Variants in ZNF423 observed in about 807,000 individuals in gnomAD.
The protein encoded by ZNF423 is zinc finger protein 423.
In ZNF423, 12 loss-of-function variants were observed where a neutral mutation model predicts 95.8. That is an observed-to-expected ratio of 0.13 (90% CI 0.08 to 0.20). The LOEUF (loss-of-function observed/expected upper bound fraction) is 0.20. ZNF423 is among the 10% of genes least tolerant of loss of function. The pLI, the probability that ZNF423 is intolerant of heterozygous loss-of-function variation, is 1.00. For synonymous variants in ZNF423, 749 were observed against 711.9 expected (o/e 1.05, Z -0.83); for missense variants, 1,316 against 1,737.1 (o/e 0.76, Z 4.31).
Position 49,492,089 on chromosome 16 carries a change from G to C in ZNF423, c.3850-785C>G, listed in dbSNP as rs1378094358. Among the ~76,000 whole-genome samples, 5 of 152,226 alleles carry C rather than the reference G, an allele frequency of 3.3e-5. No homozygotes were observed. Among genetic ancestry groups the C allele is most frequent in the Non-Finnish European group, 7.3e-5 (5 of 68,040 alleles). On this transcript the variant is annotated intron_variant, in intron 7 of 7. Transcript: ENST00000563137. The surrounding 1 kb of genome is among the most constrained non-coding windows in gnomAD (Gnocchi z 4.2). ...TTTCCTCCCCCTGCCAGCCAGAGGG[G>C]GCCAGCAGGGTTGATCTGTTTCACA...
intron 5 of ZNF423, among the ~76,000 whole-genome samples, chr16:49,625,331 T>C (rs2004232): frequency 0.56 from 84,447 of 152,132 alleles, 26,473 homozygotes; most frequent in African/African-American, 0.87. Flanking sequence ...CCAGCCTGGG[T>C]GACAGAGTGA....
At chr16:49,686,516 C>T (rs1212869175) in intron 3 of ZNF423, among the ~76,000 whole-genome samples, 4 of 152,152 alleles carry the variant, frequency 2.6e-5, no homozygotes, top group Non-Finnish European at 2.9e-5. Flanking sequence ...TCGGAGTACA[C>T]AGGCCTGCGT....
chr16:49,547,991 T>C (rs1168164682), intron 5 of ZNF423, among the ~76,000 whole-genome samples: 1 of 152,230 alleles, frequency 6.6e-6, no homozygotes, highest in Non-Finnish European at 1.5e-5. Flanking sequence ...AATGAATCGA[T>C]TTGAATTTTT....
intron 7 of ZNF423, among the ~76,000 whole-genome samples, chr16:49,522,610 T>C (rs1313339169): frequency 2.0e-5 from 3 of 152,172 alleles, no homozygotes; most frequent in Non-Finnish European, 4.4e-5. Context: ...CATTTCGGCA[T>C]GTCCGTCTAT....
chr16:49,646,477 C>T (rs1973171213), intron 3 of ZNF423, among the ~76,000 whole-genome samples: 1 of 152,132 alleles, frequency 6.6e-6, no homozygotes, highest in Admixed American at 6.5e-5. Context: ...CATAGCTCCT[C>T]CCTCATCTTA....
Position 49,489,312 on chromosome 16 carries a change from C to T in ZNF423, c.*1963G>A, listed in dbSNP as rs540663857. On this transcript the variant is annotated 3_prime_UTR_variant, in exon 8 of 8. Coordinates refer to ENST00000563137, the MANE Select transcript of ZNF423 (RefSeq NM_001379286.1). The stretch of plus-strand genomic sequence containing the variant: ...CCTGGCTGTGGATGTGTGGCAGCCT[C>T]ACTCAGACATAGCCCCAGCCCCAGG... 3 of 152,546 alleles carry T rather than the reference C, an allele frequency of 2.0e-5. No homozygotes were observed. The allele number at this position is 152,546 out of a possible 1,614,324, so 9.4% of individuals were successfully genotyped here.
intron 3 of ZNF423, among the ~76,000 whole-genome samples, chr16:49,646,247 C>T (rs1279817590): frequency 1.3e-5 from 2 of 152,218 alleles, no homozygotes; most frequent in Non-Finnish European, 1.5e-5. Flanking sequence ...GTGGTTCCCA[C>T]AGAGGTAGCC....
chr16:49,668,915 C>T (rs2030669824), intron 3 of ZNF423, among the ~76,000 whole-genome samples: 1 of 152,186 alleles, frequency 6.6e-6, no homozygotes, highest in Admixed American at 6.5e-5. Flanking sequence ...GGTGACAGTG[C>T]ATGTCTCCTT....
intron 7 of ZNF423, among the ~76,000 whole-genome samples, chr16:49,499,008 C>G (rs1302382030): frequency 6.6e-6 from 1 of 152,190 alleles, no homozygotes; most frequent in Admixed American, 6.5e-5. Context: ...CCTCTAAATG[C>G]CTGCCCTGTG....
chr16:49,621,885 T>TC (rs1243630354), intron 5 of ZNF423, among the ~76,000 whole-genome samples: 3 of 151,970 alleles, frequency 2.0e-5, no homozygotes. Context: ...ACTCCTCTTC[T>TC]CCCCCTGCCC....
At chr16:49,509,975 T>C (rs575146437) in intron 7 of ZNF423, among the ~76,000 whole-genome samples, 1 of 152,352 alleles carries the variant, frequency 6.6e-6, no homozygotes, top group Admixed American at 6.5e-5. Context: ...TTGGTGGTGG[T>C]GCTACCATCG....
intron 1 of ZNF423, among the ~76,000 whole-genome samples, chr16:49,836,111 C>T (rs2035116886): frequency 6.6e-6 from 1 of 152,022 alleles, no homozygotes; most frequent in South Asian, 2.1e-4. Flanking sequence ...GAAAGGAGGA[C>T]CCCCCCAGCC....
chr16:49,808,140 C>G (rs553441196), intron 1 of ZNF423, among the ~76,000 whole-genome samples: 3 of 152,096 alleles, frequency 2.0e-5, no homozygotes, highest in Admixed American at 2.0e-4. Context: ...TAGCTAAGTG[C>G]AGCTTCGAGC....
At chr16:49,696,089 G>A (rs1033136519) in intron 3 of ZNF423, among the ~76,000 whole-genome samples, 3 of 152,180 alleles carry the variant, frequency 2.0e-5, no homozygotes, top group African/African-American at 7.2e-5. Flanking sequence ...CGTAAAATGG[G>A]AACCCATGCC....
chr16:49,635,695 G>T lies in ZNF423; in HGVS notation c.3481C>A (p.Pro1161Thr). Residue 1161 changes from proline to threonine, a missense_variant, in exon 4 of 8, where the codon CCC (proline) becomes ACC (threonine). Pro to Thr is a conservative substitution (Grantham distance 38). Around this residue, in one of 6 missense-constraint regions of ZNF423, gnomAD observed 620 missense variants for 775.6 expected, o/e 0.80. Transcript: ENST00000563137. This position sits in a 1 kb window ranked among gnomAD's most constrained non-coding sequence, Gnocchi z 4.8. ...GGCGATGTCTGGGTGCCTTTCCGGG[G>T]CCCACTGGTCTCCGGCGTGAGGTCA... is the stretch of plus-strand genomic sequence containing the variant. ...HRDLTPETSG[P>T]RKGTQTSPVP... 2 of 1,595,434 alleles carry T rather than the reference G, an allele frequency of 1.3e-6. No homozygotes were observed. Among genetic ancestry groups the T allele is most frequent in the Non-Finnish European group, 1.7e-6 (2 of 1,172,768 alleles).
intron 5 of ZNF423, among the ~76,000 whole-genome samples, chr16:49,565,754 G>A (rs1207167760): frequency 1.3e-5 from 2 of 152,146 alleles, no homozygotes; most frequent in Admixed American, 1.3e-4. Context: ...AATAGTTACA[G>A]TTCTTACACA....
At position 49,638,026 on chromosome 16, in the gene ZNF423, C is replaced by T. The variant is rs562976839; in HGVS notation, c.1150G>A (p.Ala384Thr). The change falls in exon 4 of 8, where the codon GCC (alanine) becomes ACC (threonine). Residue 384 changes from alanine to threonine, a missense_variant. Ala to Thr is a moderately conservative substitution (Grantham distance 58). Coordinates refer to ENST00000563137, the MANE Select transcript of ZNF423 (RefSeq NM_001379286.1). The surrounding 1 kb of genome is among the most constrained non-coding windows in gnomAD (Gnocchi z 5.6). ...GGGGTGGAGCCACGCTCCACAGAGG[C>T]GCTGGAGTCGGGTGTGGCGCTGCTC... is the stretch of plus-strand genomic sequence containing the variant. ...SMSSATPDSS[A>T]SVERGSTPDS... 1.7e-5 allele frequency: 28 copies of T among 1,614,054 alleles called. No homozygotes were observed. Among genetic ancestry groups the T allele is most frequent in the Middle Eastern group, 1.7e-4 (1 of 6,060 alleles).
intron 2 of ZNF423, among the ~76,000 whole-genome samples, chr16:49,750,131 C>T (rs912855799): frequency 6.6e-6 from 1 of 152,186 alleles, no homozygotes; most frequent in African/African-American, 2.4e-5. Context: ...TGCTGCTGCT[C>T]GGGGTGAGTC....
At chr16:49,537,251 T>C (rs996896953) in intron 5 of ZNF423, among the ~76,000 whole-genome samples, 2 of 152,222 alleles carry the variant, frequency 1.3e-5, no homozygotes, top group Non-Finnish European at 2.9e-5. Context: ...GGTGGATCAA[T>C]AGCACCTGGG....
Sources: gnomAD v4.1 joint callset for allele counts (sites outside exome capture counted in the v4.1 genomes callset) on GRCh38, gnomAD v4.1.1 for gene constraint, gnomAD v4.1.1 regional missense constraint, Gnocchi (gnomAD v3.1) non-coding constraint, MANE v1.5 for transcripts, NCBI Gene and HGNC (gene_info 2026-07-23, HGNC 2026-07-21) for gene names.